Variants in SRSF7 observed in about 807,000 individuals in gnomAD.
The protein encoded by SRSF7 is serine/arginine-rich splicing factor 7.
Under a neutral mutation model 42.2 loss-of-function variants are expected in SRSF7, and 15 were observed. The observed-to-expected ratio is 0.36, with a 90% CI of 0.24 to 0.55. SRSF7 has a LOEUF of 0.55. SRSF7 is among the 20% of genes least tolerant of loss of function. The pLI is 0.88. For synonymous variants in SRSF7, 138 were observed against 107.9 expected, an observed-to-expected ratio of 1.28 and a Z score of -1.73; for missense variants, 181 against 305.9, an observed-to-expected ratio of 0.59 and a Z score of 3.04.
intron 6 of SRSF7, 62 bp from the exon 7 acceptor site, chr2:38,746,241 A>G: frequency 6.4e-7 from 1 of 1,574,334 alleles, no homozygotes; most frequent in Non-Finnish European, 8.7e-7. Flanking sequence ...TCTTGTAGTC[A>G]CCAATACCGT....
intron 3 of SRSF7, chr2:38,749,107 C>T: frequency 2.3e-6 from 3 of 1,315,622 alleles, no homozygotes; most frequent in Non-Finnish European, 3.0e-6. Flanking sequence ...TCTTTCTAAA[C>T]CGGAGGGGGG....
rs1668028133 is a variant in SRSF7, at chr2:38,749,919, T to A, written c.209+95A>T. Reference sequence around the variant, plus strand: ...TAACACTATGACCAGCTATTTAAGGTCTCTTCCAGACTTCAGAATCCAAAT... The same window carrying A: ...TAACACTATGACCAGCTATTTAAGGACTCTTCCAGACTTCAGAATCCAAAT... On this transcript the variant is annotated intron_variant, in intron 2 of 7. Coordinates refer to ENST00000313117, the MANE Select transcript of SRSF7 (RefSeq NM_001031684.3). 7 of 1,385,244 alleles carry A rather than the reference T, an allele frequency of 5.1e-6. No homozygotes were observed. In the South Asian group the frequency reaches 9.9e-5, roughly 20 times the overall value. The allele number at this position is 1,385,244 out of a possible 1,614,324, so 85.8% of individuals were successfully genotyped here.
chr2:38,748,605 G>A lies in SRSF7; in HGVS notation c.435C>T (p.Arg145=). 2 of 1,614,216 alleles carry A rather than the reference G, an allele frequency of 1.2e-6. No homozygotes were observed. Among genetic ancestry groups the A allele is most frequent in the South Asian group, 1.1e-5 (1 of 91,092 alleles). The change falls in exon 4 of 8, where the codon CGC becomes CGT. Residue 145 remains arginine (R), a synonymous_variant. Transcript: ENST00000313117. ...HSRSRGRRYS[R]SRSRSRGRRS... is the part of the protein sequence containing the mutation. ...TTCGTCCCCTGCTCCTGCTGCGTGA[G>A]CGAGAGTATCGCCTTCCTCTGGATC...
chr2:38,751,464 A>C, upstream of SRSF7: 1 of 635,938 alleles, frequency 1.6e-6, no homozygotes, highest in Non-Finnish European at 2.7e-6. Flanking sequence ...GGAAACAGCC[A>C]AGAAACGACG....
chr2:38,744,663 G>GTA lies in SRSF7; in HGVS notation c.*468_*469dup. 1 of 160,466 alleles carries GTA rather than the reference G, an allele frequency of 6.2e-6. No individual in the cohort carries two copies. The highest frequency in any genetic ancestry group is 6.0e-5 in the Admixed American group (1 of 16,630). The allele number at this position is 160,466 out of a possible 1,614,324, so 9.9% of individuals were successfully genotyped here. A position where few individuals can be genotyped will look rare whatever the true frequency, so the allele number is the denominator to read the frequency against. ...GGATCTGTCATGATGCATTCAGGCT[G>GTA]TATCATAAGGGACTCAGGTCATCTT... On this transcript the variant is annotated 3_prime_UTR_variant, in exon 8 of 8. Coordinates refer to ENST00000313117, the MANE Select transcript of SRSF7 (RefSeq NM_001031684.3).
At chr2:38,750,346 G>T (rs1159308480) in intron 1 of SRSF7, 152 bp from the exon 2 acceptor site, 4 of 623,176 alleles carry the variant, frequency 6.4e-6, no homozygotes, top group East Asian at 6.1e-5. Flanking sequence ...TAAAACTGGT[G>T]AAAGTCCGCA....
In SRSF7 at chr2:38,745,342, T is replaced by G. The variant is rs191395455; in HGVS notation, c.663-155A>C. Among the ~76,000 whole-genome samples the G allele has an allele frequency of 9.8e-5, 15 of 152,304 alleles. No individual in the cohort carries two copies. In the East Asian group the frequency reaches 2.9e-3, roughly 29 times the overall value. On this transcript the variant is annotated intron_variant, in intron 7 of 7. Transcript: ENST00000313117. ...CATGAAACTTACATATATTCATCTT[T>G]TGTCCCTGGCTTAAGATTAGGCTAC...
In SRSF7 at chr2:38,748,559, T is replaced by G; in HGVS notation, c.461+20A>C. ...AATTTAATAATAATACAGAAAGACT[T>G]CAGTTAAACAAGATCTCACCTTCGT... On this transcript the variant is annotated intron_variant, in intron 4 of 7. Coordinates refer to ENST00000313117, the MANE Select transcript of SRSF7 (RefSeq NM_001031684.3). The G allele has an allele frequency of 1.2e-6, 2 of 1,610,364 alleles. No individual in the cohort carries two copies. The highest frequency in any genetic ancestry group is 1.7e-6 in the Non-Finnish European group (2 of 1,176,716).
chr2:38,749,150 G>C, intron 3 of SRSF7: 1 of 1,319,652 alleles, frequency 7.6e-7, no homozygotes, highest in Non-Finnish European at 1.0e-6. Flanking sequence ...CTGTTACGGC[G>C]ATCACCGTCT....
intron 5 of SRSF7, chr2:38,747,130 G>T (rs1281585669): frequency 6.3e-6 from 3 of 475,786 alleles, no homozygotes; most frequent in Non-Finnish European, 1.3e-5. Flanking sequence ...TACTCAGGAG[G>T]CTAAGGCAGG....
intron 5 of SRSF7, 49 bp downstream of exon 5, chr2:38,747,997 AT>A: frequency 3.0e-6 from 4 of 1,352,126 alleles, no homozygotes; most frequent in Non-Finnish European, 4.2e-6. Flanking sequence ...CACTCTACTG[AT>A]AAGATGTGAA....
chr2:38,748,036 G>A lies in SRSF7; in HGVS notation c.572+11C>T, dbSNP rs114835195. The A allele has an allele frequency of 5.6e-4, 900 of 1,596,444 alleles. 5 individuals carry two copies. The African/African-American group carries it at 0.011, about 19-fold the overall frequency. On this transcript the variant is annotated intron_variant, in intron 5 of 7. Transcript: ENST00000313117. Reference sequence around the variant, plus strand: ...ATCCAAACACAAGTAAGGAAAAAAAGTGTTACATACTGGAAATACCTCGAT... The same window carrying A: ...ATCCAAACACAAGTAAGGAAAAAAAATGTTACATACTGGAAATACCTCGAT...
At chr2:38,746,899 C>G in intron 5 of SRSF7, 152 bp from the exon 6 acceptor site, 1 of 1,325,818 alleles carries the variant, frequency 7.5e-7, no homozygotes, top group Non-Finnish European at 1.0e-6. Flanking sequence ...CACTGTCAAA[C>G]AAAGTGTTAC....
At chr2:38,746,998 T>C in intron 5 of SRSF7, 1 of 664,792 alleles carries the variant, frequency 1.5e-6, no homozygotes, top group Non-Finnish European at 2.8e-6. Context: ...AAACACTGTG[T>C]AATATCCAAG....
Position 38,744,314 on chromosome 2 carries a change from G to C in SRSF7, c.*819C>G. The stretch of plus-strand genomic sequence containing the variant: ...TTGCAAAGCTGGTTTACATGAAGGT[G>C]TTTTGTCCCAATTTCAGACAATTCC... On this transcript the variant is annotated 3_prime_UTR_variant, in exon 8 of 8. Transcript: ENST00000313117. The C allele has an allele frequency of 1.3e-5, 2 of 152,722 alleles. No homozygotes were observed. The highest frequency in any genetic ancestry group is 3.9e-4 in the East Asian group (2 of 5,172). 9.5% of individuals were successfully genotyped at this position (152,722 alleles called of 1,614,324 possible).
Position 38,750,073 on chromosome 2 carries a change from G to C in SRSF7, c.150C>G (p.Ala50=). 6.2e-7 allele frequency: 1 copy of C among 1,613,826 alleles called. No homozygotes were observed. The highest frequency in any genetic ancestry group is 1.1e-5 in the South Asian group (1 of 91,050). The change falls in exon 2 of 8, where the codon GCC becomes GCG. Residue 50 remains alanine (A), a synonymous_variant. Coordinates refer to ENST00000313117, the MANE Select transcript of SRSF7 (RefSeq NM_001031684.3). The part of the protein sequence containing the change: ...VWIARNPPGF[A]FVEFEDPRDA... ...CTCTAGGATCTTCGAATTCCACAAAGGCAAATCCTGGAGGATTTCTCGCAA... is the reference window on the plus strand; with the variant it reads ...CTCTAGGATCTTCGAATTCCACAAACGCAAATCCTGGAGGATTTCTCGCAA...
intron 3 of SRSF7, chr2:38,749,267 C>T: frequency 7.0e-7 from 1 of 1,425,370 alleles, no homozygotes; most frequent in Non-Finnish European, 9.4e-7. Context: ...TCTTAATTGT[C>T]GGATTTGCAA....
chr2:38,751,144 T>C, intron 1 of SRSF7, 85 bp downstream of exon 1: 1 of 1,567,808 alleles, frequency 6.4e-7, no homozygotes, highest in South Asian at 1.1e-5. Flanking sequence ...GGAATAACCG[T>C]CTCCCAACCT....
In SRSF7 at chr2:38,745,008, T is replaced by C; in HGVS notation, c.*125A>G. On this transcript the variant is annotated 3_prime_UTR_variant, in exon 8 of 8. Coordinates refer to ENST00000313117, the MANE Select transcript of SRSF7 (RefSeq NM_001031684.3). ...ATCTTACTGCTGTGAATTTACATAG[T>C]AATCCAGATCCATTTTGATTAGATG... 1 of 911,686 alleles carries C rather than the reference T, an allele frequency of 1.1e-6. No individual in the cohort carries two copies. The highest frequency in any genetic ancestry group is 1.7e-6 in the Non-Finnish European group (1 of 595,836). The allele number at this position is 911,686 out of a possible 1,614,324, so 56.5% of individuals were successfully genotyped here.
Sources: allele counts gnomAD v4.1 joint callset (sites outside exome capture counted in the v4.1 genomes callset), GRCh38; gene constraint gnomAD v4.1.1; transcripts MANE v1.5; gene names NCBI Gene and HGNC (gene_info 2026-07-23, HGNC 2026-07-21).